XIRP2: variants seen among roughly 807,000 people sequenced by gnomAD.
XIRP2 encodes xin actin binding repeat containing 2.
A neutral mutation model predicts 277.0 loss-of-function variants in XIRP2; 236 were observed. The ratio of observed to expected loss-of-function variants is 0.85; its 90% CI spans 0.77 to 0.95. The LOEUF (loss-of-function observed/expected upper bound fraction) is 0.95, where lower values mean the gene tolerates loss of function less well. Ranked by LOEUF, XIRP2 falls within the 40% of genes least tolerant of loss-of-function variation. The pLI is 0.00. For missense variants in XIRP2, 4,640 were observed against 4,157.5 expected (o/e 1.12, Z -3.19); for synonymous variants, 1,490 against 1,416.5 (o/e 1.05, Z -1.17).
At chr2:167,012,035 A>G (rs1687693425) in intron 2 of XIRP2, among the ~76,000 whole-genome samples, 2 of 151,988 alleles carry the variant, frequency 1.3e-5, no homozygotes, top group Non-Finnish European at 2.9e-5. Context: ...TGCTGGATTC[A>G]TTAATTTTTT....
At chr2:167,191,322 G>T (rs1319201013) in intron 3 of XIRP2, among the ~76,000 whole-genome samples, 1 of 152,104 alleles carries the variant, frequency 6.6e-6, no homozygotes, top group Non-Finnish European at 1.5e-5. Context: ...GGCACGGGAA[G>T]ACTAGCTAGT....
chr2:167,205,045 A>C (rs190223629), intron 3 of XIRP2, among the ~76,000 whole-genome samples: 114 of 152,242 alleles, frequency 7.5e-4, no homozygotes, highest in African/African-American at 2.6e-3. Flanking sequence ...CCCTTTCTGC[A>C]TCTTTCTCTC....
chr2:167,181,910 C>A (rs1447246432), intron 3 of XIRP2, among the ~76,000 whole-genome samples: 1 of 152,052 alleles, frequency 6.6e-6, no homozygotes, highest in Non-Finnish European at 1.5e-5. Context: ...CTGGACCATC[C>A]CAGCTTATGC....
At chr2:167,075,160 T>C (rs1199518030) in intron 2 of XIRP2, among the ~76,000 whole-genome samples, 1 of 152,220 alleles carries the variant, frequency 6.6e-6, no homozygotes, top group East Asian at 1.9e-4. Context: ...GCCTGGTCTC[T>C]AGTGGTATTA....
intron 2 of XIRP2, among the ~76,000 whole-genome samples, chr2:166,982,814 C>T (rs1686909864): frequency 6.6e-6 from 1 of 152,170 alleles, no homozygotes; most frequent in African/African-American, 2.4e-5. Flanking sequence ...GTATCATCTC[C>T]ATTTCTACTG....
chr2:166,982,319 T>C (rs1036934217), intron 2 of XIRP2, among the ~76,000 whole-genome samples: 1 of 130,696 alleles, frequency 7.7e-6, no homozygotes, highest in South Asian at 2.7e-4. Context: ...AGGTACAGTT[T>C]TTTTTTTTAA....
chr2:167,217,610 A>T (rs1202917297), intron 4 of XIRP2, among the ~76,000 whole-genome samples: 1 of 152,194 alleles, frequency 6.6e-6, no homozygotes, highest in Admixed American at 6.5e-5. Flanking sequence ...ACAGAATGAC[A>T]TATTCTGTCA....
At chr2:167,158,980 GA>G in intron 3 of XIRP2, among the ~76,000 whole-genome samples, 1 of 152,158 alleles carries the variant, frequency 6.6e-6, no homozygotes, top group Non-Finnish European at 1.5e-5. Flanking sequence ...GGTAGGAGGG[GA>G]AAGAGTTCCC....
Position 166,934,405 on chromosome 2 carries a change from G to A in XIRP2, c.408+30515G>A, listed in dbSNP as rs145568012. On this transcript the variant is annotated intron_variant, in intron 2 of 10. Transcript: ENST00000409195. Reference sequence around the variant, plus strand: ...AAGGGAATCCCACCAAAAACCTAAGGGAACTTTGGACATGGCTCTTTTCCC... The same window carrying A: ...AAGGGAATCCCACCAAAAACCTAAGAGAACTTTGGACATGGCTCTTTTCCC... Among the ~76,000 whole-genome samples, 114 of 152,066 alleles carry A rather than the reference G, an allele frequency of 7.5e-4. 2 individuals carry two copies. In the East Asian group the frequency reaches 0.022, roughly 29 times the overall value.
At chr2:167,066,682 C>T (rs915555038) in intron 2 of XIRP2, among the ~76,000 whole-genome samples, 2 of 151,940 alleles carry the variant, frequency 1.3e-5, no homozygotes, top group Admixed American at 6.6e-5. Flanking sequence ...GTAATAAACT[C>T]CCATGTTTAT....
chr2:167,123,876 A>G (rs922615395), intron 2 of XIRP2: 3 of 152,160 alleles, frequency 2.0e-5, no homozygotes, highest in African/African-American at 7.2e-5. Flanking sequence ...TTAGGGGTAC[A>G]CAATTCAACC....
In XIRP2 at chr2:167,245,210, G is replaced by A. The variant is rs765920064; in HGVS notation, c.3818G>A (p.Arg1273Lys). The change falls in exon 9 of 11, where the codon AGA becomes AAA. Residue 1273 changes from arginine (R) to lysine (K), a missense_variant. Arg to Lys is a conservative substitution (Grantham distance 26). Coordinates refer to ENST00000409195, the MANE Select transcript of XIRP2 (RefSeq NM_152381.6). ...ACAGACATACAAGGTGGGGATGTAA[G>A]AAAGGGGTGCTTTATTTTTGAGACT... The part of the protein sequence containing the change: ...TVTDIQGGDV[R>K]KGCFIFETFS... 1 of 1,613,720 alleles carries A rather than the reference G, an allele frequency of 6.2e-7. No homozygotes were observed. The highest frequency in any genetic ancestry group is 8.5e-7 in the Non-Finnish European group (1 of 1,179,750).
In XIRP2 at chr2:167,258,879, T is replaced by C. The variant is rs1364516350; in HGVS notation, c.*1062T>C. ...ACTTATTCGAGGAATGTACTAGCAA[T>C]GGCTCTGAAGAAACAGACTGACAGA... On this transcript the variant is annotated 3_prime_UTR_variant, in exon 11 of 11. Transcript: ENST00000409195. The C allele has an allele frequency of 6.2e-7, 1 of 1,613,282 alleles. No homozygotes were observed.
In XIRP2 at chr2:167,205,903, C is replaced by A. The variant is rs187700123; in HGVS notation, c.563-4832C>A. On this transcript the variant is annotated intron_variant, in intron 3 of 10. Transcript: ENST00000409195. Reference sequence around the variant, plus strand: ...ATTATATTTTGAGGGCCTTCATTTTCCTTTGGGCTGCCTTTGTTATTACAT... The same window carrying A: ...ATTATATTTTGAGGGCCTTCATTTTACTTTGGGCTGCCTTTGTTATTACAT... Among the ~76,000 whole-genome samples, 465 of 152,070 alleles carry A rather than the reference C, an allele frequency of 3.1e-3. 2 individuals carry two copies. The highest frequency in any genetic ancestry group is 0.011 in the African/African-American group (443 of 41,484).
rs755857545 is a variant in XIRP2, at chr2:167,246,886, C to T, written c.5494C>T (p.Pro1832Ser). ...TEPQSTFGKI[P>S]KEEIIKGDLT... The stretch of plus-strand genomic sequence containing the variant: ...GCCTCAGAGTACATTTGGTAAGATA[C>T]CCAAAGAAGAGATTATAAAAGGTGA... The change falls in exon 9 of 11, where the codon CCC becomes TCC. Residue 1832 changes from proline to serine, a missense_variant. By Grantham distance (74) the Pro-to-Ser change is moderately conservative. Transcript: ENST00000409195. 1.9e-6 allele frequency: 3 copies of T among 1,613,290 alleles called. No homozygotes were observed. Among genetic ancestry groups the T allele is most frequent in the Non-Finnish European group, 2.5e-6 (3 of 1,179,762 alleles).
intron 5 of XIRP2, among the ~76,000 whole-genome samples, chr2:167,230,812 T>G (rs1452035397): frequency 6.6e-6 from 1 of 152,068 alleles, no homozygotes; most frequent in African/African-American, 2.4e-5. Context: ...AAGGTAGCCC[T>G]TCCTGTCTCC....
chr2:167,222,910 C>T (rs1390734197), intron 5 of XIRP2, among the ~76,000 whole-genome samples: 2 of 151,788 alleles, frequency 1.3e-5, no homozygotes, highest in East Asian at 3.9e-4. Flanking sequence ...ATATAATTTG[C>T]ATACCATAAC....
At chr2:167,014,892 C>T (rs150260466) in intron 2 of XIRP2, among the ~76,000 whole-genome samples, 83 of 151,710 alleles carry the variant, frequency 5.5e-4, no homozygotes, top group African/African-American at 1.9e-3. Context: ...TTTGTGTATC[C>T]CTCTAAACCT....
Position 167,250,990 on chromosome 2 carries a change from C to T in XIRP2, c.9598C>T (p.Pro3200Ser). ...GTTATCCAAAGGGGCCATCCCATGTCCAGCAGCAACCCCGGTTCCAATTGT... is the reference window on the plus strand; with the variant it reads ...GTTATCCAAAGGGGCCATCCCATGTTCAGCAGCAACCCCGGTTCCAATTGT... ...AKLSKGAIPCPAATPVPIVEK... is the reference protein window; with the variant it reads ...AKLSKGAIPCSAATPVPIVEK... The change falls in exon 9 of 11, where the codon CCA becomes TCA. Residue 3200 changes from proline (P) to serine (S), a missense_variant. Pro to Ser is a moderately conservative substitution (Grantham distance 74). Coordinates refer to ENST00000409195, the MANE Select transcript of XIRP2 (RefSeq NM_152381.6). The T allele has an allele frequency of 6.2e-7, 1 of 1,613,688 alleles. No homozygotes were observed.
Sources: allele counts gnomAD v4.1 joint callset (sites outside exome capture counted in the v4.1 genomes callset), GRCh38; gene constraint gnomAD v4.1.1; transcripts MANE v1.5; gene names NCBI Gene and HGNC (gene_info 2026-07-23, HGNC 2026-07-21).